The following ATP7A variants were observed in gnomAD, a reference collection of about 807,000 sequenced individuals.
ATP7A encodes copper-transporting ATPase 1.
A neutral mutation model predicts 83.5 loss-of-function variants in ATP7A; 7 were observed. That is an observed-to-expected ratio of 0.08 (90% CI 0.05 to 0.16). The LOEUF (loss-of-function observed/expected upper bound fraction) is 0.16, where lower values mean the gene tolerates loss of function less well. ATP7A is among the 10% of genes least tolerant of loss of function. The pLI is 1.00. For synonymous variants in ATP7A, 354 were observed against 395.2 expected, an observed-to-expected ratio of 0.90 and a Z score of 1.24; for missense variants, 940 against 1,120.8, an observed-to-expected ratio of 0.84 and a Z score of 2.30.
intron 17 of ATP7A, among the ~76,000 whole-genome samples, chrX:78,037,070 C>T (rs1557237830): frequency 9.0e-6 from 1 of 111,382 alleles, no homozygotes; most frequent in East Asian, 2.8e-4. Context: ...ATGGGGGATC[C>T]CACAGGAGGG....
chrX:78,009,070 T>C (rs1557234068), intron 6 of ATP7A, 32 bp from the exon 7 acceptor site: 1 of 1,197,485 alleles, frequency 8.4e-7, no homozygotes, highest in Admixed American at 2.2e-5. Context: ...AAAAAGTATA[T>C]TCCTGAAGAA....
intron 2 of ATP7A, among the ~76,000 whole-genome samples, chrX:77,985,615 C>T (rs185127879): frequency 5.6e-5 from 6 of 107,565 alleles, no homozygotes; most frequent in Non-Finnish European, 9.6e-5. Flanking sequence ...CTAGTGCAAC[C>T]GAGGAACTGA....
chrX:77,968,542 C>T (rs1356463575), intron 1 of ATP7A, among the ~76,000 whole-genome samples: 1 of 111,717 alleles, frequency 9.0e-6, no homozygotes, highest in Non-Finnish European at 1.9e-5. Context: ...TTGGTCGTGG[C>T]TTAGCATGTT....
chrX:78,024,784 A>C (rs2077931479), intron 14 of ATP7A, among the ~76,000 whole-genome samples: 1 of 111,296 alleles, frequency 9.0e-6, no homozygotes, highest in Non-Finnish European at 1.9e-5. Context: ...GCCCTATAAC[A>C]AGGGCACAAA....
chrX:78,032,870 G>A (rs1324582608), intron 16 of ATP7A, among the ~76,000 whole-genome samples: 3 of 111,489 alleles, frequency 2.7e-5, no homozygotes, highest in Non-Finnish European at 3.8e-5. Flanking sequence ...GAAACAATGA[G>A]GGCCCCCAGA....
chrX:77,939,822 C>T (rs1322179389), intron 1 of ATP7A, among the ~76,000 whole-genome samples: 1 of 108,715 alleles, frequency 9.2e-6, no homozygotes, highest in African/African-American at 3.3e-5. Context: ...ATGAAAAAAG[C>T]TCTTATTCGT....
chrX:77,969,160 A>G, intron 1 of ATP7A: 3 of 1,211,596 alleles, frequency 2.5e-6, no homozygotes, highest in Admixed American at 2.2e-5. Flanking sequence ...AGCTCTGGCA[A>G]TAGTATCCTT....
intron 1 of ATP7A, chrX:77,962,693 C>A (rs370565663): frequency 4.7e-5 from 18 of 382,830 alleles, no homozygotes; most frequent in Middle Eastern, 4.3e-4. Flanking sequence ...GGAGCAGCAG[C>A]GGAACAGTAG....
chrX:77,963,254 T>C (rs1476802379), intron 1 of ATP7A: 1 of 120,392 alleles, frequency 8.3e-6, no homozygotes, highest in African/African-American at 3.2e-5. Context: ...GAATTAGAAG[T>C]TGAGCTTCAT....
chrX:78,035,547 C>T (rs2078008492), intron 17 of ATP7A, among the ~76,000 whole-genome samples: 1 of 110,514 alleles, frequency 9.0e-6, no homozygotes, highest in African/African-American at 3.3e-5. Flanking sequence ...TTTAATGGGT[C>T]TCTCTCTCCT....
At chrX:78,016,828 C>T (rs1049344658) in intron 12 of ATP7A, among the ~76,000 whole-genome samples, 3 of 112,433 alleles carry the variant, frequency 2.7e-5, no homozygotes. Flanking sequence ...TTGCAGGGTA[C>T]AGCCCCTGCC....
At chrX:78,005,496 A>G (rs1316457968) in intron 6 of ATP7A, among the ~76,000 whole-genome samples, 1 of 109,550 alleles carries the variant, frequency 9.1e-6, no homozygotes, top group African/African-American at 3.3e-5. Context: ...ACCCTCGCCA[A>G]CATGGTGAAA....
At chrX:77,930,612 G>A (rs1557224065) in intron 1 of ATP7A, among the ~76,000 whole-genome samples, 1 of 111,994 alleles carries the variant, frequency 8.9e-6, no homozygotes, top group African/African-American at 3.3e-5. Context: ...GGCTTCCTGA[G>A]TTTGAACTCA....
At chrX:77,916,354 CAAAA>C (rs782551060) in intron 1 of ATP7A, among the ~76,000 whole-genome samples, 3 of 32,537 alleles carry the variant, frequency 9.2e-5, no homozygotes, top group Non-Finnish European at 1.2e-4. Flanking sequence ...GACCCTGTCT[CAAAA>C]AAAAAAAAAA....
At chrX:77,974,453 T>A (rs2149075370) in intron 2 of ATP7A, among the ~76,000 whole-genome samples, 1 of 111,532 alleles carries the variant, frequency 9.0e-6, no homozygotes, top group Admixed American at 9.6e-5. Flanking sequence ...CACATAGTTT[T>A]ATTTATTCCT....
chrX:77,989,868 A>G lies in ATP7A; in HGVS notation c.1246A>G (p.Asn416Asp). 8.3e-7 allele frequency: 1 copy of G among 1,210,397 alleles called. No individual in the cohort carries two copies. The highest frequency in any genetic ancestry group is 1.1e-6 in the Non-Finnish European group (1 of 894,438). The stretch of plus-strand genomic sequence containing the variant: ...CATACGAGTCTCCCTTGCAAATAGC[A>G]ATGGGACTGTTGAGTATGATCCTCT... ...KSIRVSLANS[N>D]GTVEYDPLLT... is the part of the protein sequence containing the mutation. The change falls in exon 4 of 23, where the codon AAT becomes GAT. Residue 416 changes from asparagine (N) to aspartate (D), a missense_variant. Coordinates refer to ENST00000341514, the MANE Select transcript of ATP7A (RefSeq NM_000052.7).
chrX:78,046,328 C>T lies in ATP7A; in HGVS notation c.4261C>T (p.Pro1421Ser), dbSNP rs2149113961. The T allele has an allele frequency of 3.3e-6, 4 of 1,211,540 alleles. No homozygotes were observed. Among genetic ancestry groups the T allele is most frequent in the Non-Finnish European group, 3.4e-6 (3 of 895,259 alleles). Reference sequence around the variant, plus strand: ...ACCAACTTACGAGAGTTATGAACTGCCTGCCCGGAGCCAGATAGGACAGAA... The same window carrying T: ...ACCAACTTACGAGAGTTATGAACTGTCTGCCCGGAGCCAGATAGGACAGAA... ...RKPTYESYEL[P>S]ARSQIGQKSP... The change falls in exon 23 of 23, where the codon CCT becomes TCT. Residue 1421 changes from proline (P) to serine (S), a missense_variant. By Grantham distance (74) the Pro-to-Ser change is moderately conservative. Around this residue, in one of 3 missense-constraint regions of ATP7A, gnomAD observed 386 missense variants for 502.2 expected, o/e 0.77. Coordinates refer to ENST00000341514, the MANE Select transcript of ATP7A (RefSeq NM_000052.7).
At chrX:77,968,451 C>T (rs2077522856) in intron 1 of ATP7A, among the ~76,000 whole-genome samples, 1 of 111,968 alleles carries the variant, frequency 8.9e-6, no homozygotes, top group African/African-American at 3.2e-5. Context: ...TGACTAGAGC[C>T]CCCAGGCAGT....
Position 77,988,378 on chromosome X carries a change from A to T in ATP7A, c.257A>T (p.Asp86Val). The T allele has an allele frequency of 8.3e-7, 1 of 1,211,450 alleles. No homozygotes were observed. Among genetic ancestry groups the T allele is most frequent in the Non-Finnish European group, 1.1e-6 (1 of 895,305 alleles). Residue 86 changes from aspartate to valine, a missense_variant, in exon 3 of 23, where the codon GAC (aspartate) becomes GTC (valine). By Grantham distance (152) the Asp-to-Val change is radical (BLOSUM62 -3). Transcript: ENST00000341514. ...HNPDPLPVLTDTLFLTVTASL... is the reference protein window; with the variant it reads ...HNPDPLPVLTVTLFLTVTASL... ...CCTGACCCTCTCCCTGTTTTAACTG[A>T]CACCTTGTTTCTGACTGTTACGGCG...
Sources: gnomAD v4.1 joint callset for allele counts (sites outside exome capture counted in the v4.1 genomes callset) on GRCh38, gnomAD v4.1.1 for gene constraint, gnomAD v4.1.1 regional missense constraint, MANE v1.5 for transcripts, NCBI Gene and HGNC (gene_info 2026-07-23, HGNC 2026-07-21) for gene names.